The following CADM2 variants were observed in gnomAD, a reference collection of about 807,000 sequenced individuals.
The protein encoded by CADM2 is immunoglobulin superfamily member 4D.
In CADM2, 12 loss-of-function variants were observed where a neutral mutation model predicts 49.8. The ratio of observed to expected loss-of-function variants is 0.24; its 90% CI spans 0.15 to 0.39. CADM2 has a LOEUF of 0.39. CADM2 is among the 10% of genes least tolerant of loss of function. CADM2 has a pLI of 1.00. For synonymous variants in CADM2, 214 were observed against 175.4 expected (o/e 1.22, Z -1.74); for missense variants, 378 against 492.3 (o/e 0.77, Z 2.20).
intron 1 of CADM2, among the ~76,000 whole-genome samples, chr3:85,160,266 AT>A (rs199550008): frequency 5.9e-5 from 9 of 151,812 alleles, no homozygotes; most frequent in African/African-American, 1.5e-4. Flanking sequence ...AAAATTATTC[AT>A]TTTTTTTCTT....
At chr3:85,110,690 T>C (rs1345787071) in intron 1 of CADM2, among the ~76,000 whole-genome samples, 2 of 151,922 alleles carry the variant, frequency 1.3e-5, no homozygotes. Flanking sequence ...TACACGCATA[T>C]GCCCTTTCAG....
chr3:85,440,510 G>T (rs2037150328), intron 1 of CADM2, among the ~76,000 whole-genome samples: 1 of 152,118 alleles, frequency 6.6e-6, no homozygotes. Context: ...TACGAGGTTG[G>T]AGTCCAGGTC....
In CADM2 at chr3:85,314,095, A is replaced by G. The variant is rs183604753; in HGVS notation, c.61+354427A>G. The stretch of plus-strand genomic sequence containing the variant: ...AGTAGAGACGGAGTTTCACCGTGTT[A>G]GCCAGGATGGTCTCGATCTCCCGAC... On this transcript the variant is annotated intron_variant, in intron 1 of 9. Transcript: ENST00000383699. Among the ~76,000 whole-genome samples, 482 of 152,168 alleles carry G rather than the reference A, an allele frequency of 3.2e-3. 2 individuals are homozygous for G. Among genetic ancestry groups the G allele is most frequent in the African/African-American group, 0.01 (425 of 41,524 alleles).
chr3:85,559,688 A>G (rs1486760863), intron 1 of CADM2, among the ~76,000 whole-genome samples: 1 of 58,124 alleles, frequency 1.7e-5, no homozygotes, highest in East Asian at 2.0e-3. Context: ...ACACACACAC[A>G]TATATATATA....
intron 3 of CADM2, among the ~76,000 whole-genome samples, chr3:85,880,798 G>T (rs1457075167): frequency 2.0e-5 from 3 of 152,146 alleles, no homozygotes; most frequent in Non-Finnish European, 2.9e-5. Context: ...CTGACAGGAG[G>T]TGGAGCTCAG....
At chr3:85,493,205 T>A (rs1424735730) in intron 1 of CADM2, among the ~76,000 whole-genome samples, 1 of 152,140 alleles carries the variant, frequency 6.6e-6, no homozygotes, top group Non-Finnish European at 1.5e-5. Context: ...TTAGATTTAT[T>A]TTGATAAGGT....
At chr3:85,787,083 A>C (rs1350846862) in intron 2 of CADM2, among the ~76,000 whole-genome samples, 2 of 152,030 alleles carry the variant, frequency 1.3e-5, no homozygotes, top group African/African-American at 2.4e-5. Flanking sequence ...CTTTTCTCCC[A>C]AAAAAATATT....
At chr3:85,646,105 G>C (rs1004456956) in intron 1 of CADM2, among the ~76,000 whole-genome samples, 1 of 151,902 alleles carries the variant, frequency 6.6e-6, no homozygotes, top group Non-Finnish European at 1.5e-5. Flanking sequence ...TAGTACCTGG[G>C]ATAAAAATTA....
chr3:85,598,647 T>A (rs1183636030), intron 1 of CADM2, among the ~76,000 whole-genome samples: 1 of 151,054 alleles, frequency 6.6e-6, no homozygotes, highest in Non-Finnish European at 1.5e-5. Context: ...ATTGGTCATT[T>A]AAAAAAAAAT....
intron 8 of CADM2, among the ~76,000 whole-genome samples, chr3:85,990,460 T>G (rs1317024654): frequency 6.6e-6 from 1 of 152,276 alleles, no homozygotes; most frequent in Admixed American, 6.5e-5. Context: ...AACGCCATCA[T>G]AAATTTAGGC....
rs1576885324 is a variant in CADM2, at chr3:85,592,483, CT to C, written c.62-134037del. ...GGAAAAAAATTACTGTAACCACAGA[CT>C]TAGTAACTGAACAGAACTTTTGCCC... On this transcript the variant is annotated intron_variant, in intron 1 of 9. Transcript: ENST00000383699. 2.0e-5 allele frequency among the ~76,000 whole-genome samples: 3 copies of C among 152,034 alleles called. No homozygotes were observed. In the East Asian group the frequency reaches 5.8e-4, roughly 30 times the overall value.
intron 1 of CADM2, among the ~76,000 whole-genome samples, chr3:85,569,054 T>G (rs2062400859): frequency 6.6e-6 from 1 of 152,160 alleles, no homozygotes; most frequent in African/African-American, 2.4e-5. Context: ...ACTCAGATAT[T>G]GACATGGAAA....
intron 1 of CADM2, among the ~76,000 whole-genome samples, chr3:85,544,509 G>T (rs1488396546): frequency 6.6e-6 from 1 of 152,032 alleles, no homozygotes; most frequent in Non-Finnish European, 1.5e-5. Flanking sequence ...CCCGGGAGGC[G>T]GAGCTTGCAG....
At chr3:85,031,791 A>G (rs1290328141) in intron 1 of CADM2, among the ~76,000 whole-genome samples, 1 of 152,108 alleles carries the variant, frequency 6.6e-6, no homozygotes, top group African/African-American at 2.4e-5. Context: ...GAGTGCCGGG[A>G]TTACAGACGT....
At chr3:85,411,405 C>T (rs963516893) in intron 1 of CADM2, among the ~76,000 whole-genome samples, 1 of 152,054 alleles carries the variant, frequency 6.6e-6, no homozygotes, top group East Asian at 1.9e-4. Context: ...GTGCTAGTAC[C>T]ATTTTAAATG....
At chr3:85,170,205 C>A (rs577365920) in intron 1 of CADM2, among the ~76,000 whole-genome samples, 1 of 152,194 alleles carries the variant, frequency 6.6e-6, no homozygotes, top group South Asian at 2.1e-4. Flanking sequence ...TTTTATTTAC[C>A]TAGAAATACA....
chr3:85,214,850 A>G lies in CADM2; in HGVS notation c.61+255182A>G, dbSNP rs148205300. Among the ~76,000 whole-genome samples the G allele has an allele frequency of 1.4e-3, 212 of 152,120 alleles. 1 individual carries two copies. The highest frequency in any genetic ancestry group is 2.6e-3 in the Non-Finnish European group (175 of 67,994). ...CCAGTCGTGAGTCCCTCCCTTCAGA[A>G]AAGTGGGTTTCCATCTTACCCAGGG... On this transcript the variant is annotated intron_variant, in intron 1 of 9. Transcript: ENST00000383699.
chr3:85,279,886 T>C (rs919897321), intron 1 of CADM2, among the ~76,000 whole-genome samples: 1 of 151,666 alleles, frequency 6.6e-6, no homozygotes, highest in Non-Finnish European at 1.5e-5. Flanking sequence ...GGGTTATTAG[T>C]TTTTTGCTAT....
intron 8 of CADM2, among the ~76,000 whole-genome samples, chr3:86,053,891 AGTATT>A (rs1737618913): frequency 6.6e-6 from 1 of 152,118 alleles, no homozygotes; most frequent in Non-Finnish European, 1.5e-5. Flanking sequence ...TTATGGGACA[AGTATT>A]GTACTAAAAC....
Sources: gnomAD v4.1 joint callset for allele counts (sites outside exome capture counted in the v4.1 genomes callset) on GRCh38, gnomAD v4.1.1 for gene constraint, MANE v1.5 for transcripts, NCBI Gene and HGNC (gene_info 2026-07-23, HGNC 2026-07-21) for gene names.